CNTN1: variants seen among roughly 807,000 people sequenced by gnomAD.
CNTN1 encodes the protein contactin 1, also known as contactin-1.
Under a neutral mutation model 126.4 loss-of-function variants are expected in CNTN1, and 38 were observed. The observed-to-expected ratio is 0.30, with a 90% CI of 0.23 to 0.39. The LOEUF (loss-of-function observed/expected upper bound fraction) is 0.39, where lower values mean the gene tolerates loss of function less well. CNTN1 is among the 10% of genes least tolerant of loss of function. The pLI, the probability that CNTN1 is intolerant of heterozygous loss-of-function variation, is 1.00. For missense variants in CNTN1, 1,009 were observed against 1,248.4 expected (o/e 0.81, Z 2.89); for synonymous variants, 413 against 422.6 (o/e 0.98, Z 0.28).
At chr12:40,736,689 G>A (rs1013988302) in intron 1 of CNTN1, among the ~76,000 whole-genome samples, 1 of 151,802 alleles carries the variant, frequency 6.6e-6, no homozygotes, top group Non-Finnish European at 1.5e-5. Context: ...AAATAATTTC[G>A]GTAACTAACT....
At chr12:40,866,807 A>G (rs1442216516) in intron 1 of CNTN1, among the ~76,000 whole-genome samples, 1 of 152,192 alleles carries the variant, frequency 6.6e-6, no homozygotes, top group Non-Finnish European at 1.5e-5. Context: ...CTTAGATAAT[A>G]ACATCATAGC....
chr12:40,941,608 T>C (rs1048058820), intron 12 of CNTN1, among the ~76,000 whole-genome samples: 8 of 152,262 alleles, frequency 5.3e-5, no homozygotes, highest in Admixed American at 1.3e-4. Flanking sequence ...AGAATTTCTT[T>C]GTAATTAGCA....
intron 1 of CNTN1, among the ~76,000 whole-genome samples, chr12:40,808,316 C>A (rs1940936303): frequency 6.6e-6 from 1 of 152,142 alleles, no homozygotes; most frequent in South Asian, 2.1e-4. Flanking sequence ...ACAACTGACT[C>A]TCCCAGGGAA....
At chr12:40,984,756 C>T (rs971980896) in intron 16 of CNTN1, among the ~76,000 whole-genome samples, 1 of 152,220 alleles carries the variant, frequency 6.6e-6, no homozygotes, top group East Asian at 1.9e-4. Flanking sequence ...TTTGCTCCTA[C>T]CTGTCCCCTT....
intron 1 of CNTN1, among the ~76,000 whole-genome samples, chr12:40,848,570 A>G (rs1942601826): frequency 6.6e-6 from 1 of 152,218 alleles, no homozygotes; most frequent in African/African-American, 2.4e-5. Context: ...AAGTTATAAT[A>G]AACAGTAATA....
At chr12:40,707,264 T>TTTTTTTTTTTTTTTTTTC (rs1941790440) in intron 1 of CNTN1, among the ~76,000 whole-genome samples, 1 of 83,296 alleles carries the variant, frequency 1.2e-5, no homozygotes, top group Non-Finnish European at 2.4e-5. Context: ...TTTTTTTTTT[T>TTTTTTTTTTTTTTTTTTC]TTGAGACGGA....
At chr12:40,924,512 A>G (rs1361456941) in intron 5 of CNTN1, 45 bp from the exon 6 acceptor site, 3 of 1,006,782 alleles carry the variant, frequency 3.0e-6, no homozygotes, top group Middle Eastern at 2.1e-4. Context: ...CTCTCTTTCT[A>G]TTGACCAGAG....
intron 14 of CNTN1, among the ~76,000 whole-genome samples, chr12:40,947,137 T>TA (rs1483017596): frequency 6.6e-6 from 1 of 151,994 alleles, no homozygotes; most frequent in Non-Finnish European, 1.5e-5. Context: ...TAATGTAACT[T>TA]TCAATTTTAA....
intron 1 of CNTN1, among the ~76,000 whole-genome samples, chr12:40,885,321 C>T (rs868244175): frequency 6.6e-6 from 1 of 151,860 alleles, no homozygotes; most frequent in South Asian, 2.1e-4. Flanking sequence ...AATAAATGCT[C>T]AGAAAATGTT....
At chr12:41,053,493 T>C (rs1432588829) in intron 23 of CNTN1, among the ~76,000 whole-genome samples, 1 of 132,754 alleles carries the variant, frequency 7.5e-6, no homozygotes, top group Non-Finnish European at 1.6e-5. Context: ...GTGTCAGTTC[T>C]TTATAAGGTG....
intron 1 of CNTN1, among the ~76,000 whole-genome samples, chr12:40,699,686 C>T (rs564140712): frequency 6.6e-6 from 1 of 152,102 alleles, no homozygotes; most frequent in East Asian, 1.9e-4. Flanking sequence ...TGGTCACATG[C>T]ATAGCCTTAT....
intron 23 of CNTN1, among the ~76,000 whole-genome samples, chr12:41,038,272 T>C (rs1315524533): frequency 6.6e-6 from 1 of 152,146 alleles, no homozygotes; most frequent in African/African-American, 2.4e-5. Flanking sequence ...GATAGTTAGT[T>C]TGGCACTTTG....
chr12:40,703,894 C>T (rs1174621747), intron 1 of CNTN1, among the ~76,000 whole-genome samples: 2 of 152,004 alleles, frequency 1.3e-5, no homozygotes, highest in Non-Finnish European at 2.9e-5. Context: ...CTTTCTCTTG[C>T]CTTCAAGAGT....
intron 1 of CNTN1, among the ~76,000 whole-genome samples, chr12:40,876,313 A>G (rs1372863164): frequency 6.6e-6 from 1 of 152,144 alleles, no homozygotes; most frequent in African/African-American, 2.4e-5. Context: ...TCAAAAAAGC[A>G]TACTTTTCTA....
intron 23 of CNTN1, among the ~76,000 whole-genome samples, chr12:41,062,523 G>GA (rs1453567882): frequency 1.3e-5 from 2 of 152,136 alleles, no homozygotes; most frequent in Non-Finnish European, 2.9e-5. Context: ...TTATGCAAGA[G>GA]AAAATGTGCA....
chr12:40,976,519 G>A (rs546532676), intron 15 of CNTN1, among the ~76,000 whole-genome samples: 4 of 150,236 alleles, frequency 2.7e-5, no homozygotes, highest in South Asian at 2.1e-4. Flanking sequence ...TATTGAGAGC[G>A]CATGGTAATG....
intron 1 of CNTN1, among the ~76,000 whole-genome samples, chr12:40,852,326 T>C (rs1942750061): frequency 6.6e-6 from 1 of 152,164 alleles, no homozygotes; most frequent in Non-Finnish European, 1.5e-5. Flanking sequence ...TCTTATTTTA[T>C]AGATGAGGAA....
chr12:40,915,211 T>G (rs1192899182), intron 3 of CNTN1, among the ~76,000 whole-genome samples: 1 of 152,158 alleles, frequency 6.6e-6, no homozygotes, highest in African/African-American at 2.4e-5. Flanking sequence ...CATAGAAATA[T>G]GTTCATGTGA....
chr12:40,867,075 C>A (rs4768314), intron 1 of CNTN1, among the ~76,000 whole-genome samples: 7 of 152,134 alleles, frequency 4.6e-5, no homozygotes, highest in Admixed American at 4.6e-4. Flanking sequence ...TGGTGAGCAC[C>A]AGAAGTCTCT....
Sources: allele counts gnomAD v4.1 joint callset (sites outside exome capture counted in the v4.1 genomes callset), GRCh38; gene constraint gnomAD v4.1.1; transcripts MANE v1.5; gene names NCBI Gene and HGNC (gene_info 2026-07-23, HGNC 2026-07-21).